CCT8: variants seen among roughly 807,000 people sequenced by gnomAD.
CCT8 encodes T-complex protein 1 subunit theta.
A neutral mutation model predicts 65.7 loss-of-function variants in CCT8; 10 were observed. The ratio of observed to expected loss-of-function variants is 0.15; its 90% CI spans 0.09 to 0.26. CCT8 has a LOEUF of 0.26. Among genes scored for constraint, CCT8 ranks in the 10% least tolerant of loss-of-function variants. CCT8 has a pLI of 1.00. For synonymous variants in CCT8, 199 were observed against 221.8 expected (o/e 0.90, Z 0.92); for missense variants, 568 against 669.1 (o/e 0.85, Z 1.67).
At chr21:29,071,943 T>C (rs2146445089) in intron 1 of CCT8, 1 of 702,456 alleles carries the variant, frequency 1.4e-6, no homozygotes, top group Non-Finnish European at 2.6e-6. Context: ...GCTCCTCCTC[T>C]GAACTTACCA....
intron 1 of CCT8, chr21:29,073,294 C>T: frequency 1.4e-6 from 2 of 1,390,174 alleles, no homozygotes; most frequent in East Asian, 5.4e-5. Flanking sequence ...TCAAGGTGTA[C>T]AATGTCGATC....
chr21:29,066,815 G>A lies in CCT8; in HGVS notation c.563-38C>T, dbSNP rs1032322384. 5 of 1,578,036 alleles carry A rather than the reference G, an allele frequency of 3.2e-6. No individual in the cohort carries two copies. In the African/African-American group the frequency reaches 6.8e-5, roughly 22 times the overall value. The stretch of plus-strand genomic sequence containing the variant: ...TGAGACATATCAAAAGATTATTTTG[G>A]GACAACAGAGAAAGTATCTAGTCAT... On this transcript the variant is annotated intron_variant, in intron 5 of 14. Coordinates refer to ENST00000286788, the MANE Select transcript of CCT8 (RefSeq NM_006585.4).
rs944421784 is a variant in CCT8 at position 29,061,424 on chromosome 21, C to G, written c.1285-7G>C. On this transcript the variant is annotated splice_polypyrimidine_tract_variant and splice_region_variant and intron_variant, in intron 12 of 14. Coordinates refer to ENST00000286788, the MANE Select transcript of CCT8 (RefSeq NM_006585.4). ...GTTCAAGTCCAGGACATGTCTAAAA[C>G]AAAAATGCGTTAATTACTGTCTTTT... is the stretch of plus-strand genomic sequence containing the variant. 2 of 1,613,552 alleles carry G rather than the reference C, an allele frequency of 1.2e-6. No individual in the cohort carries two copies. The highest frequency in any genetic ancestry group is 1.7e-6 in the Non-Finnish European group (2 of 1,179,752).
At position 29,062,158 on chromosome 21, in the gene CCT8, ATCG is replaced by A; in HGVS notation, c.1179_1181del (p.Asp394del). The stretch of plus-strand genomic sequence containing the variant: ...TAAGAACTTTGAAAGTATTAACACC[ATCG>A]TCTACTGCCCTTTCTATGTCATCCA... On this transcript the variant is annotated inframe_deletion, in exon 11 of 15. Coordinates refer to ENST00000286788, the MANE Select transcript of CCT8 (RefSeq NM_006585.4). 1 of 1,612,386 alleles carries A rather than the reference ATCG, an allele frequency of 6.2e-7. No homozygotes were observed. The highest frequency in any genetic ancestry group is 8.5e-7 in the Non-Finnish European group (1 of 1,179,256).
At chr21:29,063,309 C>T in intron 8 of CCT8, 43 bp downstream of exon 8, 1 of 1,522,632 alleles carries the variant, frequency 6.6e-7, no homozygotes, top group Non-Finnish European at 9.0e-7. Flanking sequence ...CACCAAAAAA[C>T]CATTTATGAT....
At chr21:29,061,804 C>T (rs1290948228) in intron 11 of CCT8, among the ~76,000 whole-genome samples, 5 of 152,240 alleles carry the variant, frequency 3.3e-5, no homozygotes, top group East Asian at 1.9e-4. Context: ...GGAATAGTAC[C>T]GTATCATTTT....
chr21:29,072,214 C>T (rs959804562), intron 1 of CCT8: 8 of 459,508 alleles, frequency 1.7e-5, no homozygotes, highest in Non-Finnish European at 3.1e-5. Context: ...GACATTTTTA[C>T]CTCCTGTCAT....
At position 29,067,080 on chromosome 21, in the gene CCT8, TA is replaced by T; in HGVS notation, c.382-10del. 1.3e-6 allele frequency: 2 copies of T among 1,590,414 alleles called. No individual in the cohort carries two copies. The highest frequency in any genetic ancestry group is 1.7e-6 in the Non-Finnish European group (2 of 1,165,934). On this transcript the variant is annotated splice_polypyrimidine_tract_variant and intron_variant, in intron 4 of 14. Coordinates refer to ENST00000286788, the MANE Select transcript of CCT8 (RefSeq NM_006585.4). ...TCATAACCTTCTATGACCTAAAACA[TA>T]AACAACATTTCCTATTCTGACATGA...
In CCT8 at chr21:29,073,611, T is replaced by C; in HGVS notation, c.-21A>G. ...GCCATGGCCAGCCTGCAGGAAGCAG[T>C]TCACGCGACCGCTCGGAAGACCGCG... On this transcript the variant is annotated 5_prime_UTR_variant, in exon 1 of 15. Transcript: ENST00000286788. 3 of 1,613,146 alleles carry C rather than the reference T, an allele frequency of 1.9e-6. No homozygotes were observed. The highest frequency in any genetic ancestry group is 1.3e-5 in the African/African-American group (1 of 75,024).
intron 6 of CCT8, among the ~76,000 whole-genome samples, chr21:29,065,719 G>A (rs1007893506): frequency 6.6e-6 from 1 of 152,124 alleles, no homozygotes; most frequent in Non-Finnish European, 1.5e-5. Flanking sequence ...GGAATAGGAC[G>A]ATTTCCACCC....
In CCT8 at chr21:29,061,414, A is replaced by T. The variant is rs778808183; in HGVS notation, c.1288T>A (p.Cys430Ser). The change falls in exon 13 of 15, where the codon TGT (cysteine) becomes AGT (serine). Residue 430 changes from cysteine to serine, a missense_variant. By Grantham distance (112) the Cys-to-Ser change is moderately radical. Transcript: ENST00000286788. ...AKQITSYGET[C>S]PGLEQYAIKK... ...ATAGCATACTGTTCAAGTCCAGGAC[A>T]TGTCTAAAACAAAAATGCGTTAATT... is the stretch of plus-strand genomic sequence containing the variant. 34 of 1,613,892 alleles carry T rather than the reference A, an allele frequency of 2.1e-5. No individual in the cohort carries two copies. The Middle Eastern group carries it at 1.3e-3, about 62-fold the overall frequency.
chr21:29,064,862 C>T (rs777360432), intron 7 of CCT8, 106 bp downstream of exon 7: 3 of 906,134 alleles, frequency 3.3e-6, no homozygotes, highest in Non-Finnish European at 3.4e-6. Context: ...AGGTAAGATC[C>T]TGCAATGTTC....
At chr21:29,062,099 A>T in intron 11 of CCT8, 29 bp downstream of exon 11, 1 of 1,453,444 alleles carries the variant, frequency 6.9e-7, no homozygotes, top group African/African-American at 1.4e-5. Flanking sequence ...CAGACCTTAC[A>T]AACTACTAAG....
At chr21:29,070,557 T>C (rs1434174929) in intron 1 of CCT8, among the ~76,000 whole-genome samples, 3 of 152,224 alleles carry the variant, frequency 2.0e-5, no homozygotes, top group Admixed American at 1.3e-4. Context: ...GAAGTAATTA[T>C]AATAGTACCT....
intron 5 of CCT8, 54 bp from the exon 6 acceptor site, chr21:29,066,831 ATCTAG>A: frequency 6.3e-7 from 1 of 1,576,370 alleles, no homozygotes; most frequent in East Asian, 2.2e-5. Context: ...CAGAGAAAGT[ATCTAG>A]TCATGTTAAA....
intron 1 of CCT8, among the ~76,000 whole-genome samples, chr21:29,070,690 G>T (rs1055845170): frequency 6.6e-6 from 1 of 152,120 alleles, no homozygotes; most frequent in Non-Finnish European, 1.5e-5. Flanking sequence ...CATTTTGGGG[G>T]ACCGCAGGTA....
chr21:29,064,406 C>A (rs2085596935), intron 7 of CCT8, among the ~76,000 whole-genome samples: 1 of 40,420 alleles, frequency 2.5e-5, no homozygotes, highest in African/African-American at 1.1e-4. Context: ...CAAAGCAAGA[C>A]TCTAAAAAAA....
chr21:29,073,647 G>T lies in CCT8; in HGVS notation c.-57C>A. 6.5e-7 allele frequency: 1 copy of T among 1,530,398 alleles called. No homozygotes were observed. The highest frequency in any genetic ancestry group is 1.1e-5 in the South Asian group (1 of 89,510). 94.8% of individuals were successfully genotyped at this position (1,530,398 alleles called of 1,614,324 possible). A position where few individuals can be genotyped will look rare whatever the true frequency, so the allele number is the denominator to read the frequency against. On this transcript the variant is annotated 5_prime_UTR_variant, in exon 1 of 15. Coordinates refer to ENST00000286788, the MANE Select transcript of CCT8 (RefSeq NM_006585.4). ...GCTCGGAAGACCGCGGAGGAAGCGAGGAGCACGCACAGCCTTCTGGGAAAG... is the reference window on the plus strand; with the variant it reads ...GCTCGGAAGACCGCGGAGGAAGCGATGAGCACGCACAGCCTTCTGGGAAAG...
At chr21:29,062,848 C>G (rs2085579275) in intron 8 of CCT8, 1 of 430,418 alleles carries the variant, frequency 2.3e-6, no homozygotes, top group Non-Finnish European at 4.1e-6. Flanking sequence ...GTTTATAGTT[C>G]TAAAACACCA....
Sources: gnomAD v4.1 joint callset for allele counts (sites outside exome capture counted in the v4.1 genomes callset) on GRCh38, gnomAD v4.1.1 for gene constraint, MANE v1.5 for transcripts, NCBI Gene and HGNC (gene_info 2026-07-23, HGNC 2026-07-21) for gene names.